The following CMSS1 variants were observed in gnomAD, a reference collection of about 807,000 sequenced individuals.
CMSS1 encodes the protein cms1 ribosomal small subunit homolog.
In CMSS1, 33 loss-of-function variants were observed where a neutral mutation model predicts 43.5. That is an observed-to-expected ratio of 0.76 (90% CI 0.57 to 1.01). The LOEUF is 1.01. Among genes scored for constraint, CMSS1 ranks in the 50% least tolerant of loss-of-function variants. CMSS1 has a pLI of 0.00. For synonymous variants in CMSS1, 115 were observed against 117.2 expected, an observed-to-expected ratio of 0.98 and a Z score of 0.12; for missense variants, 313 against 326.4, an observed-to-expected ratio of 0.96 and a Z score of 0.32.
At chr3:100,164,202 C>G (rs1224630453) in intron 4 of CMSS1, among the ~76,000 whole-genome samples, 3 of 152,222 alleles carry the variant, frequency 2.0e-5, no homozygotes, top group Admixed American at 6.5e-5. Context: ...ACTGCACTAT[C>G]ACAGGAACTA....
chr3:99,981,112 C>T lies in CMSS1; in HGVS notation c.64+163069C>T, dbSNP rs140339154. Among the ~76,000 whole-genome samples, 265 of 152,300 alleles carry T rather than the reference C, an allele frequency of 1.7e-3. 2 individuals carry two copies. In the Middle Eastern group the frequency reaches 0.02, roughly 12 times the overall value. ...ACATTTGTGTGGGATTACATACTCACACTCTGTCCGAGCATTGTGCCACTG... is the reference window on the plus strand; with the variant it reads ...ACATTTGTGTGGGATTACATACTCATACTCTGTCCGAGCATTGTGCCACTG... On this transcript the variant is annotated intron_variant, in intron 1 of 9. Coordinates refer to ENST00000421999, the MANE Select transcript of CMSS1 (RefSeq NM_032359.4).
At chr3:99,934,002 G>C (rs1327402683) in intron 1 of CMSS1, among the ~76,000 whole-genome samples, 1 of 152,162 alleles carries the variant, frequency 6.6e-6, no homozygotes, top group Non-Finnish European at 1.5e-5. Flanking sequence ...GTCTAAGACG[G>C]GCTCTCACGT....
intron 1 of CMSS1, among the ~76,000 whole-genome samples, chr3:100,117,332 G>A (rs1166208042): frequency 1.3e-5 from 2 of 151,984 alleles, no homozygotes; most frequent in African/African-American, 4.8e-5. Flanking sequence ...CGGAACTGAG[G>A]TTTTGAAAGA....
In CMSS1 at chr3:100,072,900, C is replaced by T. The variant is rs150395017; in HGVS notation, c.65-74073C>T. On this transcript the variant is annotated intron_variant, in intron 1 of 9. Coordinates refer to ENST00000421999, the MANE Select transcript of CMSS1 (RefSeq NM_032359.4). ...TCCTCTAACTTGTCACTGAAAACCT[C>T]GCCAGAAGAGTGAACACTGAGGCTG... Among the ~76,000 whole-genome samples, 23 of 152,292 alleles carry T rather than the reference C, an allele frequency of 1.5e-4. No individual in the cohort carries two copies. In the East Asian group the frequency reaches 2.3e-3, roughly 15 times the overall value.
At chr3:100,099,688 A>T (rs2066271977) in intron 1 of CMSS1, among the ~76,000 whole-genome samples, 1 of 152,176 alleles carries the variant, frequency 6.6e-6, no homozygotes. Flanking sequence ...CATTCCATAA[A>T]TATTTATTAA....
At chr3:100,120,867 A>G (rs1246230018) in intron 1 of CMSS1, among the ~76,000 whole-genome samples, 1 of 152,102 alleles carries the variant, frequency 6.6e-6, no homozygotes, top group East Asian at 1.9e-4. Context: ...TTCTAGGCAG[A>G]GGACACCGAG....
At chr3:99,922,578 A>T (rs1707158638) in intron 1 of CMSS1, among the ~76,000 whole-genome samples, 1 of 152,238 alleles carries the variant, frequency 6.6e-6, no homozygotes, top group Admixed American at 6.5e-5. Context: ...TAGCCTAGAT[A>T]TTGAGGTAAC....
chr3:99,833,689 A>G (rs889379600), intron 1 of CMSS1, among the ~76,000 whole-genome samples: 2 of 152,200 alleles, frequency 1.3e-5, no homozygotes, highest in Non-Finnish European at 2.9e-5. Context: ...TTTTCTCAGG[A>G]GCGGTCCTGA....
chr3:99,834,762 G>C (rs1285103005), intron 1 of CMSS1, among the ~76,000 whole-genome samples: 136 of 152,178 alleles, frequency 8.9e-4, no homozygotes, highest in Non-Finnish European at 4.4e-5. Flanking sequence ...CAGCCTTTGG[G>C]TAGTATCTAG....
At chr3:100,034,248 G>C (rs576714156) in intron 1 of CMSS1, among the ~76,000 whole-genome samples, 1 of 152,140 alleles carries the variant, frequency 6.6e-6, no homozygotes, top group Non-Finnish European at 1.5e-5. Context: ...CTCAGAATGG[G>C]GGGAAAAAGC....
intron 1 of CMSS1, among the ~76,000 whole-genome samples, chr3:99,839,384 GAGGAATGAAGGA>G (rs1943033221): frequency 6.6e-6 from 1 of 152,184 alleles, no homozygotes; most frequent in Non-Finnish European, 1.5e-5. Flanking sequence ...GTGATTGGTT[GAGGAATGAAGGA>G]AGCCTGTATC....
chr3:100,079,502 C>A (rs1447014987), intron 1 of CMSS1, among the ~76,000 whole-genome samples: 1 of 152,228 alleles, frequency 6.6e-6, no homozygotes, highest in African/African-American at 2.4e-5. Context: ...CTTCATAGTT[C>A]ATGAAAAATC....
intron 1 of CMSS1, among the ~76,000 whole-genome samples, chr3:100,125,392 A>T (rs563105045): frequency 6.6e-6 from 1 of 152,192 alleles, no homozygotes; most frequent in African/African-American, 2.4e-5. Flanking sequence ...TGGGAGACAC[A>T]TCTGTTTGCA....
chr3:100,081,776 T>G (rs1311693335), intron 1 of CMSS1, among the ~76,000 whole-genome samples: 20 of 152,220 alleles, frequency 1.3e-4, no homozygotes, highest in Non-Finnish European at 2.5e-4. Flanking sequence ...TTCTTAGTTG[T>G]TTTAGAGCCA....
intron 1 of CMSS1, among the ~76,000 whole-genome samples, chr3:100,140,302 G>A (rs893552427): frequency 6.6e-5 from 10 of 151,918 alleles, no homozygotes; most frequent in Admixed American, 6.6e-4. Context: ...CTATTATTTT[G>A]GTAAGAGGTC....
intron 1 of CMSS1, among the ~76,000 whole-genome samples, chr3:99,857,857 T>A (rs756595895): frequency 1.3e-4 from 20 of 152,238 alleles, no homozygotes; most frequent in Non-Finnish European, 2.6e-4. Flanking sequence ...ATTTAATGTT[T>A]CTGATGTTAT....
intron 1 of CMSS1, among the ~76,000 whole-genome samples, chr3:99,952,281 G>A (rs1343142417): frequency 6.6e-6 from 1 of 151,914 alleles, no homozygotes; most frequent in Non-Finnish European, 1.5e-5. Context: ...AGTTTCAATT[G>A]GATTATTTTG....
rs558611247 is a variant in CMSS1 at position 100,043,030 on chromosome 3, T to G, written c.65-103943T>G. On this transcript the variant is annotated intron_variant, in intron 1 of 9. Transcript: ENST00000421999. The stretch of plus-strand genomic sequence containing the variant: ...AACATAGCCTGTGCTGGTCACAGCC[T>G]TCTTTGCTCATCTCTCTTTACCTCA... 2.6e-5 allele frequency among the ~76,000 whole-genome samples: 4 copies of G among 152,380 alleles called. No individual in the cohort carries two copies. The South Asian group carries it at 8.3e-4, about 32-fold the overall frequency.
intron 2 of CMSS1, among the ~76,000 whole-genome samples, chr3:100,155,632 T>G (rs1427846053): frequency 1.3e-5 from 2 of 152,290 alleles, no homozygotes; most frequent in East Asian, 3.9e-4. Context: ...ATCCCATAGC[T>G]TCCTTTTGTT....
Sources: gnomAD v4.1 joint callset for allele counts (sites outside exome capture counted in the v4.1 genomes callset) on GRCh38, gnomAD v4.1.1 for gene constraint, MANE v1.5 for transcripts, NCBI Gene and HGNC (gene_info 2026-07-23, HGNC 2026-07-21) for gene names.